PEX5: variants seen among roughly 807,000 people sequenced by gnomAD.
PEX5 encodes peroxisomal biogenesis factor 5.
A neutral mutation model predicts 82.9 loss-of-function variants in PEX5; 52 were observed. That is an observed-to-expected ratio of 0.63 (90% CI 0.50 to 0.79). The LOEUF is 0.79. Among genes scored for constraint, PEX5 ranks in the 30% least tolerant of loss-of-function variants. The pLI is 0.00. For synonymous variants in PEX5, 300 were observed against 318.8 expected, an observed-to-expected ratio of 0.94 and a Z score of 0.63; for missense variants, 719 against 815.2, an observed-to-expected ratio of 0.88 and a Z score of 1.44.
At chr12:7,201,182 C>T (rs1400417028) in intron 6 of PEX5, among the ~76,000 whole-genome samples, 1 of 149,928 alleles carries the variant, frequency 6.7e-6, no homozygotes, top group Non-Finnish European at 1.5e-5. Flanking sequence ...CACATATGTA[C>T]ACACGCATAC....
At chr12:7,196,128 T>C (rs1299882685) in intron 5 of PEX5, among the ~76,000 whole-genome samples, 19 of 108,732 alleles carry the variant, frequency 1.7e-4, no homozygotes, top group Admixed American at 9.0e-4. Flanking sequence ...ATGTTATATA[T>C]AATGTATTTC....
chr12:7,209,952 A>G, intron 15 of PEX5, 70 bp from the exon 16 acceptor site: 2 of 1,596,134 alleles, frequency 1.3e-6, no homozygotes, highest in Non-Finnish European at 1.7e-6. Flanking sequence ...TCTCCCTCCC[A>G]CTGCTAGCTG....
At chr12:7,201,550 G>A (rs1944042761) in intron 6 of PEX5, among the ~76,000 whole-genome samples, 2 of 152,142 alleles carry the variant, frequency 1.3e-5, no homozygotes, top group Non-Finnish European at 2.9e-5. Flanking sequence ...GTTTGGGAAA[G>A]GGAGAGCTAG....
At position 7,208,003 on chromosome 12, in the gene PEX5, C is replaced by T. The variant is rs745421485; in HGVS notation, c.1111-7C>T. ...TGGGGTGATGGAATCTGTCAACTTC[C>T]CTCTAGGCTTGGCAGTATCTGGGTA... On this transcript the variant is annotated splice_region_variant and splice_polypyrimidine_tract_variant and intron_variant, in intron 11 of 15. Transcript: ENST00000675855. The T allele has an allele frequency of 6.2e-7, 1 of 1,612,184 alleles. No individual in the cohort carries two copies. The highest frequency in any genetic ancestry group is 8.5e-7 in the Non-Finnish European group (1 of 1,178,270).
At chr12:7,204,800 T>C (rs1944559683) in intron 10 of PEX5, among the ~76,000 whole-genome samples, 1 of 152,188 alleles carries the variant, frequency 6.6e-6, no homozygotes, top group South Asian at 2.1e-4. Flanking sequence ...CTCTCGTATT[T>C]ATGACATGCT....
intron 10 of PEX5, among the ~76,000 whole-genome samples, chr12:7,205,895 A>G (rs79627180): frequency 0.015 from 2,340 of 152,320 alleles, 57 homozygotes; most frequent in African/African-American, 0.054. Context: ...ACAGGCCATC[A>G]TATCTTAAGG....
In PEX5 at chr12:7,200,115, C is replaced by T. The variant is rs764262411; in HGVS notation, c.551+1002C>T. Among the ~76,000 whole-genome samples, 54 of 147,982 alleles carry T rather than the reference C, an allele frequency of 3.6e-4. 4 individuals carry two copies. The highest frequency in any genetic ancestry group is 6.1e-4 in the African/African-American group (25 of 40,686). On this transcript the variant is annotated intron_variant, in intron 6 of 15. Coordinates refer to ENST00000675855, the MANE Select transcript of PEX5 (RefSeq NM_001351132.2). Reference sequence around the variant, plus strand: ...GGACGGGGTGGCTGCCGGGCGGAGACGCTCCTCACTTCCCAGACGGGGCGG... The same window carrying T: ...GGACGGGGTGGCTGCCGGGCGGAGATGCTCCTCACTTCCCAGACGGGGCGG...
In PEX5 at chr12:7,202,371, C is replaced by T. The variant is rs975426592; in HGVS notation, c.753+20C>T. On this transcript the variant is annotated intron_variant, in intron 8 of 15. Transcript: ENST00000675855. ...CAGCAGGTAGGACATTGTCACTTTC[C>T]AGTCCCACTTCAGAGCCAGCTGATG... 9 of 1,613,740 alleles carry T rather than the reference C, an allele frequency of 5.6e-6. No homozygotes were observed. The African/African-American group carries it at 9.3e-5, about 17-fold the overall frequency.
rs1942614500 is a variant in PEX5 at position 7,197,144 on chromosome 12, A to ATAATTATACATGTCATATATAATG, written c.449-1859_449-1858insCATGTCATATATAATGTAATTATA. Among the ~76,000 whole-genome samples, 4 of 5,686 alleles carry ATAATTATACATGTCATATATAATG rather than the reference A, an allele frequency of 7.0e-4. 2 individuals are homozygous for ATAATTATACATGTCATATATAATG. The highest frequency in any genetic ancestry group is 9.7e-4 in the African/African-American group (4 of 4,112). The allele number at this position is 5,686 out of a possible 152,430, so 3.7% of individuals were successfully genotyped here. The stretch of plus-strand genomic sequence containing the variant: ...AATAATATATGTCATATATAATGTA[A>ATAATTATACATGTCATATATAATG]TAATTATATATGTCATATATAATGT... On this transcript the variant is annotated intron_variant, in intron 5 of 15. Transcript: ENST00000675855.
chr12:7,188,962 T>G (rs1304182993), upstream of PEX5: 1 of 152,258 alleles, frequency 6.6e-6, no homozygotes, highest in African/African-American at 2.4e-5. Context: ...GTGATGGGAA[T>G]AAGGCCACTA....
chr12:7,214,396 A>T (rs1945718049), downstream of PEX5, among the ~76,000 whole-genome samples: 1 of 152,064 alleles, frequency 6.6e-6, no homozygotes, highest in African/African-American at 2.4e-5. Flanking sequence ...GCCGTAAAAA[A>T]TGATGAGTTC....
chr12:7,191,821 G>A (rs1024143620), intron 5 of PEX5, 121 bp downstream of exon 5: 1 of 913,228 alleles, frequency 1.1e-6, no homozygotes, highest in African/African-American at 1.6e-5. Context: ...TTCTAGAGGG[G>A]TAGGGTACTG....
chr12:7,200,775 A>G (rs895847249), intron 6 of PEX5, among the ~76,000 whole-genome samples: 7 of 150,958 alleles, frequency 4.6e-5, no homozygotes, highest in Admixed American at 1.3e-4. Context: ...CTGCAATTGC[A>G]GGCACTCGGC....
rs760402644 is a variant in PEX5 at position 7,209,761 on chromosome 12, C to T, written c.1639C>T (p.Arg547Trp). 6.9e-6 allele frequency: 11 copies of T among 1,592,794 alleles called. No individual in the cohort carries two copies. Among genetic ancestry groups the T allele is most frequent in the Admixed American group, 5.2e-5 (3 of 57,630 alleles). Residue 547 changes from arginine (R) to tryptophan (W), a missense_variant, in exon 15 of 16, where the codon CGG becomes TGG. Arg to Trp is a moderately radical substitution (Grantham distance 101). Coordinates refer to ENST00000675855, the MANE Select transcript of PEX5 (RefSeq NM_001351132.2). ...QSEEAVAAYR[R>W]ALELQPGYIR... ...TGAAGAAGCAGTAGCTGCGTACCGCCGGGCCCTCGAGCTCCAGCCTGGCTA... is the reference window on the plus strand; with the variant it reads ...TGAAGAAGCAGTAGCTGCGTACCGCTGGGCCCTCGAGCTCCAGCCTGGCTA...
intron 3 of PEX5, 134 bp downstream of exon 3, chr12:7,191,057 A>AT: frequency 8.4e-7 from 1 of 1,186,228 alleles, no homozygotes; most frequent in South Asian, 1.2e-5. Context: ...TTTTAAATGT[A>AT]TTTTTTCGTC....
In PEX5 at chr12:7,203,478, T is replaced by C. The variant is rs1256218456; in HGVS notation, c.893T>C (p.Met298Thr). ...AAGTTGCAGGCAGAGTTGGAGGAGA[T>C]GGCAAAACGGGATGCTGAGGCCCAC... The part of the protein sequence containing the change: ...WDKLQAELEE[M>T]AKRDAEAHPW... Residue 298 changes from methionine (M) to threonine (T), a missense_variant, in exon 10 of 16, where the codon ATG (methionine) becomes ACG (threonine). Coordinates refer to ENST00000675855, the MANE Select transcript of PEX5 (RefSeq NM_001351132.2). The C allele has an allele frequency of 6.2e-7, 1 of 1,613,972 alleles. No individual in the cohort carries two copies. Among genetic ancestry groups the C allele is most frequent in the South Asian group, 1.1e-5 (1 of 91,058 alleles).
chr12:7,212,039 C>T (rs772960428), downstream of PEX5, among the ~76,000 whole-genome samples: 1 of 151,024 alleles, frequency 6.6e-6, no homozygotes, highest in East Asian at 1.9e-4. Flanking sequence ...GATCTCAGCT[C>T]ACTGCAGCCT....
chr12:7,202,014 C>T (rs1944126419), intron 7 of PEX5, 173 bp downstream of exon 7: 3 of 753,930 alleles, frequency 4.0e-6, no homozygotes, highest in Non-Finnish European at 6.8e-6. Flanking sequence ...AGTGTTCATT[C>T]CCTCATCTCC....
intron 12 of PEX5, 61 bp from the exon 13 acceptor site, chr12:7,208,396 G>A (rs1004710511): frequency 8.1e-7 from 1 of 1,239,350 alleles, no homozygotes. Flanking sequence ...ATCCCAGGGT[G>A]CTCACATGTG....
Sources: gnomAD v4.1 joint callset for allele counts (sites outside exome capture counted in the v4.1 genomes callset) on GRCh38, gnomAD v4.1.1 for gene constraint, MANE v1.5 for transcripts, NCBI Gene and HGNC (gene_info 2026-07-23, HGNC 2026-07-21) for gene names.